Variants in TRAIP observed in about 807,000 individuals in gnomAD.
TRAIP encodes the protein TRAF interacting protein, also known as E3 ubiquitin-protein ligase TRAIP.
A neutral mutation model predicts 65.0 loss-of-function variants in TRAIP; 37 were observed. The ratio of observed to expected loss-of-function variants is 0.57; its 90% CI spans 0.44 to 0.75. TRAIP has a LOEUF of 0.75. TRAIP is among the 30% of genes least tolerant of loss of function. The pLI is 0.00. For synonymous variants in TRAIP, 187 were observed against 219.1 expected (o/e 0.85, Z 1.29); for missense variants, 481 against 579.4 (o/e 0.83, Z 1.74).
intron 7 of TRAIP, among the ~76,000 whole-genome samples, chr3:49,841,501 A>C (rs1375896574): frequency 6.6e-6 from 1 of 152,244 alleles, no homozygotes; most frequent in South Asian, 2.1e-4. Context: ...CAGGCTCTAC[A>C]TATCAATCAC....
rs1007330829 is a variant in TRAIP at position 49,840,440 on chromosome 3, G to T, written c.706-67C>A. 7 of 1,333,180 alleles carry T rather than the reference G, an allele frequency of 5.3e-6. No homozygotes were observed. The African/African-American group carries it at 5.8e-5, about 11-fold the overall frequency. The allele number at this position is 1,333,180 out of a possible 1,614,324, so 82.6% of individuals were successfully genotyped here. A position where few individuals can be genotyped will look rare whatever the true frequency, so the allele number is the denominator to read the frequency against. Reference sequence around the variant, plus strand: ...GCCTTGTGCCCTGCCCCCTCCTGCTGCTCCCCAGGGAGTGATCAAGGTAGC... The same window carrying T: ...GCCTTGTGCCCTGCCCCCTCCTGCTTCTCCCCAGGGAGTGATCAAGGTAGC... On this transcript the variant is annotated intron_variant, in intron 8 of 14. Coordinates refer to ENST00000331456, the MANE Select transcript of TRAIP (RefSeq NM_005879.3).
intron 4 of TRAIP, 46 bp from the exon 5 acceptor site, chr3:49,843,974 C>G (rs372337704): frequency 1.6e-5 from 25 of 1,565,874 alleles, no homozygotes; most frequent in Non-Finnish European, 2.2e-5. Context: ...GCCTGTCCAT[C>G]CATCAGCAGA....
chr3:49,829,387 C>CT (rs1481624534), intron 14 of TRAIP, 71 bp downstream of exon 14: 1 of 1,612,916 alleles, frequency 6.2e-7, no homozygotes, highest in Non-Finnish European at 8.5e-7. Context: ...CACTGGCAGG[C>CT]TGGGGGTATA....
chr3:49,851,847 C>T (rs947673478), intron 1 of TRAIP, among the ~76,000 whole-genome samples: 2 of 151,680 alleles, frequency 1.3e-5, no homozygotes, highest in South Asian at 2.1e-4. Context: ...GAGGCGCCCG[C>T]CACCATGCCC....
intron 4 of TRAIP, 101 bp downstream of exon 4, chr3:49,844,440 C>A: frequency 6.0e-6 from 8 of 1,325,952 alleles, no homozygotes; most frequent in Non-Finnish European, 8.5e-6. Context: ...AGGGAAAGGC[C>A]CTGGCTCTCC....
rs541546238 is a variant in TRAIP, at chr3:49,856,274, T to C, written c.98+82A>G. The C allele has an allele frequency of 1.0e-5, 13 of 1,250,366 alleles. No homozygotes were observed. The South Asian group carries it at 1.4e-4, about 14-fold the overall frequency. The allele number at this position is 1,250,366 out of a possible 1,614,324, so 77.5% of individuals were successfully genotyped here. A position where few individuals can be genotyped will look rare whatever the true frequency, so the allele number is the denominator to read the frequency against. ...TCATCACTTGTCTGGATTCCGGGGT[T>C]GGACCGCCTGGAGGCCCAACACCTC... On this transcript the variant is annotated intron_variant, in intron 1 of 14. Coordinates refer to ENST00000331456, the MANE Select transcript of TRAIP (RefSeq NM_005879.3).
intron 4 of TRAIP, 81 bp from the exon 5 acceptor site, chr3:49,844,009 G>A (rs2081862439): frequency 1.3e-6 from 2 of 1,520,150 alleles, no homozygotes; most frequent in African/African-American, 2.8e-5. Context: ...TGGATTCAGT[G>A]CCTCATCCCT....
chr3:49,846,429 G>A (rs2081882690), intron 3 of TRAIP, among the ~76,000 whole-genome samples: 2 of 152,182 alleles, frequency 1.3e-5, no homozygotes, highest in East Asian at 1.9e-4. Context: ...CCCGTGGCTG[G>A]GGAGTAGAAG....
In TRAIP at chr3:49,829,056, C is replaced by T; in HGVS notation, c.*47G>A. 6.2e-7 allele frequency: 1 copy of T among 1,613,838 alleles called. No homozygotes were observed. The highest frequency in any genetic ancestry group is 8.5e-7 in the Non-Finnish European group (1 of 1,179,834). On this transcript the variant is annotated 3_prime_UTR_variant, in exon 15 of 15. Coordinates refer to ENST00000331456, the MANE Select transcript of TRAIP (RefSeq NM_005879.3). The stretch of plus-strand genomic sequence containing the variant: ...AACCCCTGCCTGGACAGTCCTTGAC[C>T]TACAAGTTGCAGGCATGTGTCTGGC...
chr3:49,829,114 G>GA lies in TRAIP; in HGVS notation c.1398_1399insT (p.Leu467SerfsTer20). 1.2e-6 allele frequency: 2 copies of GA among 1,614,246 alleles called. No homozygotes were observed. The highest frequency in any genetic ancestry group is 1.7e-6 in the Non-Finnish European group (2 of 1,180,048). Reference sequence around the variant, plus strand: ...CAGACTCACTGTTCTCACGACCACAGGAAGGTGTCCAGCTTGGCCTGGAAG... The same window carrying GA: ...CAGACTCACTGTTCTCACGACCACAGAGAAGGTGTCCAGCTTGGCCTGGAAG... On this transcript the variant is annotated frameshift_variant, in exon 15 of 15. Coordinates refer to ENST00000331456, the MANE Select transcript of TRAIP (RefSeq NM_005879.3). LOFTEE classifies it high-confidence loss of function.
At position 49,855,320 on chromosome 3, in the gene TRAIP, C is replaced by T. The variant is rs1271478783; in HGVS notation, c.98+1036G>A. Among the ~76,000 whole-genome samples the T allele has an allele frequency of 6.6e-5, 10 of 152,014 alleles. No homozygotes were observed. The East Asian group carries it at 1.7e-3, about 26-fold the overall frequency. On this transcript the variant is annotated intron_variant, in intron 1 of 14. Transcript: ENST00000331456. Reference sequence around the variant, plus strand: ...AAAATTAGCTGGGCGTGGTGGCGCACGCCTGTAATGTCAGCTACTTGGGAG... The same window carrying T: ...AAAATTAGCTGGGCGTGGTGGCGCATGCCTGTAATGTCAGCTACTTGGGAG...
At position 49,852,260 on chromosome 3, in the gene TRAIP, G is replaced by A. The variant is rs962226505; in HGVS notation, c.99-4060C>T. 5.9e-5 allele frequency among the ~76,000 whole-genome samples: 9 copies of A among 151,752 alleles called. No homozygotes were observed. In the South Asian group the frequency reaches 8.3e-4, roughly 14 times the overall value. ...CGAGCGCCTGTAATCCCAGCTACTC[G>A]GGAGGTTGACGCAGGAGAATTGCTT... On this transcript the variant is annotated intron_variant, in intron 1 of 14. Coordinates refer to ENST00000331456, the MANE Select transcript of TRAIP (RefSeq NM_005879.3).
chr3:49,851,192 T>C (rs769869087), intron 1 of TRAIP, among the ~76,000 whole-genome samples: 10 of 152,108 alleles, frequency 6.6e-5, no homozygotes, highest in Non-Finnish European at 1.0e-4. Flanking sequence ...CAGGCTGTTC[T>C]AGAACTTCTG....
chr3:49,842,671 T>G, intron 5 of TRAIP, 124 bp from the exon 6 acceptor site: 1 of 873,410 alleles, frequency 1.1e-6, no homozygotes, highest in South Asian at 1.5e-5. Flanking sequence ...GATAACCATG[T>G]ACTCCCAAAC....
intron 10 of TRAIP, among the ~76,000 whole-genome samples, chr3:49,838,060 G>T (rs1201683184): frequency 6.6e-6 from 1 of 152,010 alleles, no homozygotes; most frequent in Non-Finnish European, 1.5e-5. Context: ...TTGATACAGG[G>T]TCTCACTATG....
intron 10 of TRAIP, among the ~76,000 whole-genome samples, chr3:49,835,576 T>C (rs898586325): frequency 3.9e-5 from 6 of 152,196 alleles, no homozygotes; most frequent in African/African-American, 1.4e-4. Context: ...GTTTTGTTTA[T>C]ATTTTACTAC....
At position 49,839,826 on chromosome 3, in the gene TRAIP, G is replaced by A. The variant is rs768971505; in HGVS notation, c.830C>T (p.Thr277Ile). ...LKKKLTMLQETLNLPPVASET... is the reference protein window; with the variant it reads ...LKKKLTMLQEILNLPPVASET... Reference sequence around the variant, plus strand: ...ACTGGCCACTGGTGGCAGGTTCAAGGTTTCCTGCAGCATCGTTAGCTTCTT... The same window carrying A: ...ACTGGCCACTGGTGGCAGGTTCAAGATTTCCTGCAGCATCGTTAGCTTCTT... Residue 277 changes from threonine to isoleucine, a missense_variant, in exon 10 of 15, where the codon ACC becomes ATC. Physicochemically the swap from Thr to Ile is moderately conservative, Grantham distance 89. Coordinates refer to ENST00000331456, the MANE Select transcript of TRAIP (RefSeq NM_005879.3). 1.2e-6 allele frequency: 2 copies of A among 1,614,260 alleles called. No individual in the cohort carries two copies. Among genetic ancestry groups the A allele is most frequent in the Non-Finnish European group, 1.7e-6 (2 of 1,180,042 alleles).
Position 49,839,595 on chromosome 3 carries a change from G to A in TRAIP, c.884+177C>T, listed in dbSNP as rs1045947472. On this transcript the variant is annotated intron_variant, in intron 10 of 14. Transcript: ENST00000331456. The stretch of plus-strand genomic sequence containing the variant: ...CCTTCTCTGGCCTCTCCGTGTCAGA[G>A]CCTAATTTGCTTCAAGGCTGCTTGC... 1.0e-4 allele frequency: 63 copies of A among 623,616 alleles called. 1 individual carries two copies. The highest frequency in any genetic ancestry group is 8.6e-4 in the Middle Eastern group (2 of 2,318). 38.6% of individuals were successfully genotyped at this position (623,616 alleles called of 1,614,324 possible). A position where few individuals can be genotyped will look rare whatever the true frequency, so the allele number is the denominator to read the frequency against.
chr3:49,839,736 C>T, intron 10 of TRAIP, 36 bp downstream of exon 10: 1 of 1,590,454 alleles, frequency 6.3e-7, no homozygotes, highest in Non-Finnish European at 8.6e-7. Context: ...AGCTCTCCCA[C>T]CTTGTGACCC....
Sources: allele counts gnomAD v4.1 joint callset (sites outside exome capture counted in the v4.1 genomes callset), GRCh38; gene constraint gnomAD v4.1.1; transcripts MANE v1.5; gene names NCBI Gene and HGNC (gene_info 2026-07-23, HGNC 2026-07-21).